The following SLA variants were observed in gnomAD, a reference collection of about 807,000 sequenced individuals.
SLA encodes src-like-adapter.
SLA carries 16 observed loss-of-function variants against 30.3 expected under a neutral mutation model. The ratio of observed to expected loss-of-function variants is 0.53; its 90% CI spans 0.36 to 0.80. The LOEUF (loss-of-function observed/expected upper bound fraction) is 0.80, where lower values mean the gene tolerates loss of function less well. Ranked by LOEUF, SLA falls within the 30% of genes least tolerant of loss-of-function variation. SLA has a pLI of 0.01. For synonymous variants in SLA, 143 were observed against 137.8 expected (o/e 1.04, Z -0.26); for missense variants, 310 against 345.2 (o/e 0.90, Z 0.81).
chr8:133,093,598 T>C (rs879562875), intron 1 of SLA, among the ~76,000 whole-genome samples: 9 of 152,316 alleles, frequency 5.9e-5, no homozygotes, highest in Non-Finnish European at 1.3e-4. Context: ...ACAGCGGCCG[T>C]GTCCAGGATC....
At chr8:133,055,973 C>T (rs898785045) in intron 3 of SLA, among the ~76,000 whole-genome samples, 9 of 151,982 alleles carry the variant, frequency 5.9e-5, no homozygotes, top group African/African-American at 1.7e-4. Flanking sequence ...ATTGAAACTA[C>T]CTTATTTTGA....
rs142742036 is a variant in SLA at position 133,048,126 on chromosome 8, C to G, written c.249-193G>C. Among the ~76,000 whole-genome samples the G allele has an allele frequency of 9.2e-5, 14 of 152,266 alleles. No homozygotes were observed. In the East Asian group the frequency reaches 2.7e-3, roughly 29 times the overall value. On this transcript the variant is annotated intron_variant, in intron 5 of 8. Coordinates refer to ENST00000338087, the MANE Select transcript of SLA (RefSeq NM_001045556.3). ...TGATTAAGTAGTTTGCTCAGGAAAC[C>G]ATGTCAGCAGTTGATAGAGTTAAAA...
chr8:133,059,424 T>G (rs1277882322), intron 3 of SLA, among the ~76,000 whole-genome samples: 1 of 152,188 alleles, frequency 6.6e-6, no homozygotes, highest in Non-Finnish European at 1.5e-5. Flanking sequence ...TGTTCACTGG[T>G]GTTCCCTCCC....
intron 3 of SLA, among the ~76,000 whole-genome samples, chr8:133,059,729 G>A (rs1842091066): frequency 6.6e-6 from 1 of 152,176 alleles, no homozygotes; most frequent in African/African-American, 2.4e-5. Context: ...GTAAACAGGA[G>A]TCTAGGTTTC....
intron 2 of SLA, among the ~76,000 whole-genome samples, chr8:133,065,519 T>A (rs1303274335): frequency 6.6e-6 from 1 of 152,190 alleles, no homozygotes; most frequent in African/African-American, 2.4e-5. Context: ...CCTAGCACTT[T>A]GGGAAGCTGA....
At chr8:133,099,702 C>G (rs1848961994) in intron 1 of SLA, among the ~76,000 whole-genome samples, 1 of 152,184 alleles carries the variant, frequency 6.6e-6, no homozygotes, top group South Asian at 2.1e-4. Context: ...ACAACTCATC[C>G]TTCTGTACTC....
intron 1 of SLA, chr8:133,096,068 A>C: frequency 9.7e-7 from 1 of 1,027,618 alleles, no homozygotes; most frequent in Non-Finnish European, 1.5e-6. Flanking sequence ...CCTGCCTGCC[A>C]GTTGTCCTGG....
intron 7 of SLA, among the ~76,000 whole-genome samples, chr8:133,044,055 A>G (rs1258342830): frequency 3.9e-5 from 6 of 152,104 alleles, no homozygotes; most frequent in Admixed American, 6.5e-5. Context: ...AGGGGGAACT[A>G]CTAGTGTCTG....
intron 7 of SLA, among the ~76,000 whole-genome samples, chr8:133,044,679 T>C (rs1205629519): frequency 6.6e-6 from 1 of 152,164 alleles, no homozygotes; most frequent in African/African-American, 2.4e-5. Flanking sequence ...GGCTTGAATA[T>C]GTATGGCCCA....
At position 133,038,353 on chromosome 8, in the gene SLA, TG is replaced by T; in HGVS notation, c.*170del. 1.6e-6 allele frequency: 1 copy of T among 616,762 alleles called. No homozygotes were observed. The highest frequency in any genetic ancestry group is 2.7e-5 in the East Asian group (1 of 36,978). The allele number at this position is 616,762 out of a possible 1,614,324, so 38.2% of individuals were successfully genotyped here. A position where few individuals can be genotyped will look rare whatever the true frequency, so the allele number is the denominator to read the frequency against. ...ATCAGACACCAGGGAGGGGTTCCTT[TG>T]GTCATGATGTGGATAGAGAAGATGC... On this transcript the variant is annotated 3_prime_UTR_variant, in exon 9 of 9. Transcript: ENST00000338087.
chr8:133,085,365 C>T (rs1846358468), intron 1 of SLA, among the ~76,000 whole-genome samples: 1 of 152,144 alleles, frequency 6.6e-6, no homozygotes, highest in Non-Finnish European at 1.5e-5. Context: ...GATTTCATCA[C>T]AATTTAAAAA....
intron 2 of SLA, among the ~76,000 whole-genome samples, chr8:133,071,952 T>C (rs1172556700): frequency 6.6e-6 from 1 of 152,194 alleles, no homozygotes; most frequent in African/African-American, 2.4e-5. Flanking sequence ...TTAGAATGAA[T>C]GACTGAAGGT....
intron 8 of SLA, 98 bp from the exon 9 acceptor site, chr8:133,038,835 G>A: frequency 2.8e-6 from 2 of 712,198 alleles, no homozygotes; most frequent in Admixed American, 5.7e-5. Context: ...AGGAGGAAAA[G>A]AAAAACAAAA....
intron 2 of SLA, chr8:133,060,498 G>A (rs1323805518): frequency 2.6e-6 from 2 of 784,210 alleles, no homozygotes; most frequent in East Asian, 6.6e-5. Context: ...CCACAGCAGG[G>A]TTTGTGTGAG....
At position 133,045,115 on chromosome 8, in the gene SLA, C is replaced by T. The variant is rs1330444209; in HGVS notation, c.353G>A (p.Gly118Glu). The part of the protein sequence containing the change: ...FMIRESETKK[G>E]FYSLSVRHRQ... ...GTGTCTCACCGACAGTGAGTAAAAC[C>T]CTGCAGGAGGTGGAGGATAAGTCAG... The change falls in exon 7 of 9, where the codon GGG becomes GAG. Residue 118 changes from glycine (G) to glutamate (E), a missense_variant and splice_region_variant. Gly to Glu is a moderately conservative substitution (Grantham distance 98, BLOSUM62 -2). Transcript: ENST00000338087. The T allele has an allele frequency of 6.2e-7, 1 of 1,614,070 alleles. No individual in the cohort carries two copies.
chr8:133,061,022 G>GT (rs1264903054), intron 2 of SLA, among the ~76,000 whole-genome samples: 1 of 152,118 alleles, frequency 6.6e-6, no homozygotes. Context: ...TTCTGTTTTT[G>GT]TTTTTTTGAG....
chr8:133,049,148 G>A (rs1160298632), intron 5 of SLA: 3 of 456,308 alleles, frequency 6.6e-6, no homozygotes, highest in East Asian at 6.9e-5. Flanking sequence ...GGGCTCCAAA[G>A]CCACCCAGGA....
chr8:133,079,998 C>T (rs183809703), intron 1 of SLA, among the ~76,000 whole-genome samples: 102 of 151,890 alleles, frequency 6.7e-4, no homozygotes, highest in South Asian at 1.9e-3. Flanking sequence ...TTTTTGAACC[C>T]CTTCAATGTG....
chr8:133,102,592 C>A lies in SLA; in HGVS notation c.-358G>T. ...GGCTGCCTGAGATGTTCTCCATTCG[C>A]AGCAAATGATCTTATTTTCTGAAGT... On this transcript the variant is annotated 5_prime_UTR_variant, in exon 1 of 9. Transcript: ENST00000338087. 1 of 1,550,808 alleles carries A rather than the reference C, an allele frequency of 6.4e-7. No individual in the cohort carries two copies. Among genetic ancestry groups the A allele is most frequent in the Non-Finnish European group, 8.7e-7 (1 of 1,146,152 alleles).
Sources: allele counts gnomAD v4.1 joint callset (sites outside exome capture counted in the v4.1 genomes callset), GRCh38; gene constraint gnomAD v4.1.1; transcripts MANE v1.5; gene names NCBI Gene and HGNC (gene_info 2026-07-23, HGNC 2026-07-21).